The following STXBP6 variants were observed in gnomAD, a reference collection of about 807,000 sequenced individuals.
STXBP6 encodes the protein syntaxin-binding protein 6.
Under a neutral mutation model 26.9 loss-of-function variants are expected in STXBP6, and 21 were observed. That is an observed-to-expected ratio of 0.78 (90% CI 0.55 to 1.12). The LOEUF (loss-of-function observed/expected upper bound fraction) is 1.12, where lower values mean the gene tolerates loss of function less well. Among genes scored for constraint, STXBP6 ranks in the 50% most tolerant of loss-of-function variants. The pLI is 0.00. For synonymous variants in STXBP6, 97 were observed against 92.6 expected, an observed-to-expected ratio of 1.05 and a Z score of -0.27; for missense variants, 232 against 257.9, an observed-to-expected ratio of 0.90 and a Z score of 0.69.
At chr14:24,980,911 A>G (rs1202468955) in intron 1 of STXBP6, among the ~76,000 whole-genome samples, 1 of 152,222 alleles carries the variant, frequency 6.6e-6, no homozygotes, top group Non-Finnish European at 1.5e-5. Flanking sequence ...CATGAACATC[A>G]CCTGGGTGCC....
chr14:24,981,592 T>C (rs564845287), intron 1 of STXBP6, among the ~76,000 whole-genome samples: 3 of 152,286 alleles, frequency 2.0e-5, no homozygotes, highest in African/African-American at 7.2e-5. Flanking sequence ...GGGTAAACTA[T>C]GTCATTTTTA....
At chr14:24,838,604 A>G (rs2068693849) in intron 4 of STXBP6, among the ~76,000 whole-genome samples, 1 of 152,020 alleles carries the variant, frequency 6.6e-6, no homozygotes, top group Admixed American at 6.6e-5. Flanking sequence ...GGATCGCTTG[A>G]ACTCGGGAGA....
At chr14:24,869,543 G>A (rs1306190116) in intron 2 of STXBP6, among the ~76,000 whole-genome samples, 1 of 152,158 alleles carries the variant, frequency 6.6e-6, no homozygotes, top group East Asian at 1.9e-4. Context: ...TACAACACCC[G>A]ACTCTCTGGT....
Position 24,826,614 on chromosome 14 carries a change from C to T in STXBP6, c.452-7420G>A, listed in dbSNP as rs533747646. Among the ~76,000 whole-genome samples the T allele has an allele frequency of 4.8e-4, 73 of 152,280 alleles. 2 individuals carry two copies. The South Asian group carries it at 0.013, about 28-fold the overall frequency. On this transcript the variant is annotated intron_variant, in intron 4 of 5. Transcript: ENST00000323944. Reference sequence around the variant, plus strand: ...TCTCTCAAACTCACCAATGACCTATCGAGTCCATTGCCTATTTTATGTTTC... The same window carrying T: ...TCTCTCAAACTCACCAATGACCTATTGAGTCCATTGCCTATTTTATGTTTC...
At chr14:24,985,856 T>TG (rs1464732924) in intron 1 of STXBP6, among the ~76,000 whole-genome samples, 18 of 152,236 alleles carry the variant, frequency 1.2e-4, no homozygotes, top group Non-Finnish European at 2.5e-4. Context: ...ATCCTAGTGA[T>TG]GGTCTATCTC....
At chr14:25,036,978 C>T (rs1489627651) in intron 1 of STXBP6, among the ~76,000 whole-genome samples, 2 of 151,866 alleles carry the variant, frequency 1.3e-5, no homozygotes, top group Non-Finnish European at 2.9e-5. Context: ...ATATTTCCAA[C>T]AGTGACATTA....
At chr14:24,961,141 T>C (rs2073523426) in intron 2 of STXBP6, among the ~76,000 whole-genome samples, 1 of 152,280 alleles carries the variant, frequency 6.6e-6, no homozygotes, top group South Asian at 2.1e-4. Context: ...CTATGGTATA[T>C]TATGCAGCTA....
chr14:24,955,933 A>G (rs2073329526), intron 2 of STXBP6, among the ~76,000 whole-genome samples: 1 of 152,254 alleles, frequency 6.6e-6, no homozygotes, highest in African/African-American at 2.4e-5. Flanking sequence ...AAGGCGGCAC[A>G]GAGAGGGGGA....
chr14:25,029,400 T>C (rs953614083), intron 1 of STXBP6, among the ~76,000 whole-genome samples: 1 of 152,176 alleles, frequency 6.6e-6, no homozygotes, highest in Non-Finnish European at 1.5e-5. Flanking sequence ...CAGATGATCA[T>C]TGGCATTTTT....
chr14:24,866,016 C>G (rs2069705343), intron 2 of STXBP6, among the ~76,000 whole-genome samples: 1 of 152,050 alleles, frequency 6.6e-6, no homozygotes, highest in Non-Finnish European at 1.5e-5. Flanking sequence ...CTTGACTGGC[C>G]TGCAGTGCCC....
rs542593969 is a variant in STXBP6, at chr14:25,040,963, A to T, written c.-33+8915T>A. 3.9e-5 allele frequency among the ~76,000 whole-genome samples: 6 copies of T among 152,352 alleles called. 1 individual carries two copies. In the South Asian group the frequency reaches 1.2e-3, roughly 32 times the overall value. On this transcript the variant is annotated intron_variant, in intron 1 of 5. Coordinates refer to ENST00000323944, the MANE Select transcript of STXBP6 (RefSeq NM_001394410.1). ...AGTAGTGAAATTGGGAGAAATGTCT[A>T]CTTTATTAGCTTTAAGCTCCTTATA... is the stretch of plus-strand genomic sequence containing the variant.
intron 2 of STXBP6, among the ~76,000 whole-genome samples, chr14:24,880,402 CAT>C: frequency 6.6e-6 from 1 of 152,298 alleles, no homozygotes; most frequent in East Asian, 1.9e-4. Context: ...TTCATGTCCA[CAT>C]GTTTACTGTG....
In STXBP6 at chr14:24,810,416, G is replaced by C. The variant is rs767387911; in HGVS notation, c.*2293C>G. The C allele has an allele frequency of 1.3e-5, 2 of 152,210 alleles. No homozygotes were observed. Among genetic ancestry groups the C allele is most frequent in the African/African-American group, 4.8e-5 (2 of 41,432 alleles). 9.4% of individuals were successfully genotyped at this position (152,210 alleles called of 1,614,324 possible). A position where few individuals can be genotyped will look rare whatever the true frequency, so the allele number is the denominator to read the frequency against. ...AAGGAGGGGCAGGGATTGCTGTTAC[G>C]GCCCTCTCTGTTGTGGGGAGGCCTA... On this transcript the variant is annotated 3_prime_UTR_variant, in exon 6 of 6. Transcript: ENST00000323944.
At chr14:24,878,581 A>G (rs2070233126) in intron 2 of STXBP6, 2 of 170,562 alleles carry the variant, frequency 1.2e-5, no homozygotes, top group African/African-American at 4.8e-5. Context: ...GTACTGGGAG[A>G]AGACCTCAAT....
intron 2 of STXBP6, among the ~76,000 whole-genome samples, chr14:24,951,990 TTTGA>T (rs2073184189): frequency 6.6e-6 from 1 of 151,524 alleles, no homozygotes. Context: ...ATACTGGTAT[TTTGA>T]TTGTGTTTTT....
At chr14:24,864,621 A>G (rs2069655461) in intron 2 of STXBP6, among the ~76,000 whole-genome samples, 1 of 152,112 alleles carries the variant, frequency 6.6e-6, no homozygotes, top group South Asian at 2.1e-4. Context: ...GCCATTCCAA[A>G]GGGAAAAAAA....
rs2067855452 is a variant in STXBP6, at chr14:24,812,671, A to G, written c.*38T>C. 2 of 1,605,956 alleles carry G rather than the reference A, an allele frequency of 1.2e-6. No individual in the cohort carries two copies. Among genetic ancestry groups the G allele is most frequent in the Non-Finnish European group, 1.7e-6 (2 of 1,172,834 alleles). ...GTAAAAACTGCTGAACAAACTCTTC[A>G]GTTTCTCTTAAGAAGAGTCACCAGG... is the stretch of plus-strand genomic sequence containing the variant. On this transcript the variant is annotated 3_prime_UTR_variant, in exon 6 of 6. Transcript: ENST00000323944.
intron 4 of STXBP6, among the ~76,000 whole-genome samples, chr14:24,846,466 A>C (rs1566405128): frequency 2.6e-5 from 4 of 152,164 alleles, no homozygotes; most frequent in Admixed American, 2.6e-4. Context: ...GGCCACCATA[A>C]GGTTTATTTG....
chr14:24,893,701 C>T lies in STXBP6; in HGVS notation c.155-36544G>A, dbSNP rs150465411. On this transcript the variant is annotated intron_variant, in intron 2 of 5. Transcript: ENST00000323944. ...AGGGATACTCAATGGTCAGTTACTT[C>T]ATTTTGTTGTCTTCAAATGGCAATA... is the stretch of plus-strand genomic sequence containing the variant. 2.6e-5 allele frequency among the ~76,000 whole-genome samples: 4 copies of T among 152,328 alleles called. No homozygotes were observed. The East Asian group carries it at 7.7e-4, about 29-fold the overall frequency.
Sources: gnomAD v4.1 joint callset for allele counts (sites outside exome capture counted in the v4.1 genomes callset) on GRCh38, gnomAD v4.1.1 for gene constraint, MANE v1.5 for transcripts, NCBI Gene and HGNC (gene_info 2026-07-23, HGNC 2026-07-21) for gene names.